The following LMNTD1 variants were observed in gnomAD, a reference collection of about 807,000 sequenced individuals.
LMNTD1 encodes lamin tail domain-containing protein 1.
LMNTD1 carries 35 observed loss-of-function variants against 50.9 expected under a neutral mutation model. The observed-to-expected ratio is 0.69, with a 90% confidence interval of 0.53 to 0.91. The LOEUF is 0.91. Among genes scored for constraint, LMNTD1 ranks in the 40% least tolerant of loss-of-function variants. The pLI, the probability that LMNTD1 is intolerant of heterozygous loss-of-function variation, is 0.00. For missense variants in LMNTD1, 470 were observed against 475.5 expected (o/e 0.99, Z 0.11); for synonymous variants, 153 against 161.9 (o/e 0.94, Z 0.42).
At chr12:25,621,746 C>T (rs1240826179) in intron 1 of LMNTD1, among the ~76,000 whole-genome samples, 1 of 152,256 alleles carries the variant, frequency 6.6e-6, no homozygotes, top group Non-Finnish European at 1.5e-5. Context: ...AATGAATAAT[C>T]AAAGTCTCTT....
At chr12:25,647,400 G>C (rs1565536767) in intron 1 of LMNTD1, among the ~76,000 whole-genome samples, 1 of 152,154 alleles carries the variant, frequency 6.6e-6, no homozygotes, top group African/African-American at 2.4e-5. Context: ...GAGGTGGGAG[G>C]ATGGCTTGAG....
chr12:25,543,620 C>T (rs1486846794), intron 4 of LMNTD1, among the ~76,000 whole-genome samples: 2 of 151,250 alleles, frequency 1.3e-5, no homozygotes, highest in East Asian at 3.9e-4. Flanking sequence ...TTTTCTTCTA[C>T]TAATTTTCAG....
intron 1 of LMNTD1, among the ~76,000 whole-genome samples, chr12:25,633,766 A>G (rs1017256364): frequency 1.5e-4 from 23 of 152,212 alleles, no homozygotes; most frequent in African/African-American, 5.5e-4. Flanking sequence ...ACCTCAAGGA[A>G]CTAGAGAAAC....
chr12:25,639,914 A>T (rs1454194249), intron 1 of LMNTD1, among the ~76,000 whole-genome samples: 2 of 152,270 alleles, frequency 1.3e-5, no homozygotes, highest in Non-Finnish European at 2.9e-5. Context: ...CCATAAATTG[A>T]TGAATGAATA....
chr12:25,520,145 C>CATATATAT (rs71065950), intron 6 of LMNTD1, 70 bp from the exon 7 acceptor site: 2,744 of 233,760 alleles, frequency 0.012, 65 homozygotes, highest in African/African-American at 0.028. Flanking sequence ...ATGAGATATA[C>CATATATAT]ATATATATAT....
chr12:25,533,114 G>GA (rs1942336222), intron 4 of LMNTD1, among the ~76,000 whole-genome samples: 1 of 152,000 alleles, frequency 6.6e-6, no homozygotes, highest in Admixed American at 6.6e-5. Context: ...TTGTCTGAAG[G>GA]AAAAAACAAC....
chr12:25,565,053 C>T (rs557201595), intron 1 of LMNTD1, among the ~76,000 whole-genome samples: 50 of 152,202 alleles, frequency 3.3e-4, no homozygotes, highest in African/African-American at 1.1e-3. Context: ...TCTGCCTGCT[C>T]TTCTCTTGGT....
chr12:25,486,297 G>T (rs989464300), intron 9 of LMNTD1, among the ~76,000 whole-genome samples: 1 of 148,824 alleles, frequency 6.7e-6, no homozygotes, highest in African/African-American at 2.5e-5. Flanking sequence ...TCATGATTTG[G>T]CTCTCTGTTT....
chr12:25,633,075 C>T (rs1219417943), intron 1 of LMNTD1, among the ~76,000 whole-genome samples: 4 of 150,360 alleles, frequency 2.7e-5, no homozygotes, highest in East Asian at 3.9e-4. Flanking sequence ...TTAAAAGAGA[C>T]AAAGAGGGAC....
intron 1 of LMNTD1, among the ~76,000 whole-genome samples, chr12:25,562,291 GT>G (rs1944363947): frequency 6.6e-6 from 1 of 152,172 alleles, no homozygotes; most frequent in Non-Finnish European, 1.5e-5. Flanking sequence ...TCCTTTCCAT[GT>G]TTAGTGCTTC....
At position 25,558,340 on chromosome 12, in the gene LMNTD1, T is replaced by C. The variant is rs138128229; in HGVS notation, c.59-11786A>G. Among the ~76,000 whole-genome samples the C allele has an allele frequency of 5.9e-3, 901 of 152,326 alleles. 8 individuals carry two copies. Among genetic ancestry groups the C allele is most frequent in the African/African-American group, 0.021 (875 of 41,578 alleles). On this transcript the variant is annotated intron_variant, in intron 1 of 7. Transcript: ENST00000445693. ...TGGGTTTGGTTTGCTCTTATTTTTC[T>C]AGTTCTTCAGATGCATCATCAGACC...
intron 9 of LMNTD1, among the ~76,000 whole-genome samples, chr12:25,501,051 G>A (rs1490478814): frequency 6.6e-6 from 1 of 152,178 alleles, no homozygotes; most frequent in Non-Finnish European, 1.5e-5. Context: ...GTGCAGTGGT[G>A]CAATCTCAGC....
chr12:25,563,317 G>A (rs1003389172), intron 1 of LMNTD1, among the ~76,000 whole-genome samples: 1 of 152,160 alleles, frequency 6.6e-6, no homozygotes, highest in African/African-American at 2.4e-5. Flanking sequence ...GTACAGACAG[G>A]GTTTTGGTGT....
intron 1 of LMNTD1, among the ~76,000 whole-genome samples, chr12:25,577,072 C>G (rs1945055972): frequency 6.6e-6 from 1 of 152,136 alleles, no homozygotes; most frequent in Non-Finnish European, 1.5e-5. Context: ...GGTACCAGTA[C>G]CATGCTGTTT....
chr12:25,571,655 T>C (rs1279364345), intron 1 of LMNTD1, among the ~76,000 whole-genome samples: 1 of 151,330 alleles, frequency 6.6e-6, no homozygotes, highest in African/African-American at 2.4e-5. Context: ...GAGCTACCAT[T>C]CCCAACCTTT....
rs753375240 is a variant in LMNTD1 at position 25,549,562 on chromosome 12, A to G, written c.90-16T>C. 2.3e-6 allele frequency: 3 copies of G among 1,319,682 alleles called. No homozygotes were observed. The South Asian group carries it at 4.5e-5, about 20-fold the overall frequency. 81.7% of individuals were successfully genotyped at this position (1,319,682 alleles called of 1,614,324 possible). A position where few individuals can be genotyped will look rare whatever the true frequency, so the allele number is the denominator to read the frequency against. On this transcript the variant is annotated splice_polypyrimidine_tract_variant and intron_variant, in intron 2 of 9. Coordinates refer to ENST00000458174, the MANE Select transcript of LMNTD1 (RefSeq NM_001145728.2). ...GTCTTCTCTTCTGTGTACAAAAAAT[A>G]TAATATAAATAAATAAATAAGAAAG... is the stretch of plus-strand genomic sequence containing the variant.
chr12:25,638,726 C>CAT (rs763022896), intron 1 of LMNTD1, among the ~76,000 whole-genome samples: 1 of 152,020 alleles, frequency 6.6e-6, no homozygotes, highest in Non-Finnish European at 1.5e-5. Context: ...GATAAGAAGA[C>CAT]ATAACATTGT....
rs371877407 is a variant in LMNTD1, at chr12:25,526,178, G to T, written c.719C>A (p.Ser240Ter). 5 of 1,611,008 alleles carry T rather than the reference G, an allele frequency of 3.1e-6. No homozygotes were observed. The highest frequency in any genetic ancestry group is 4.2e-6 in the Non-Finnish European group (5 of 1,178,296). ...AASEAKHQPP[S>*]DFLWKEQDKF... Reference sequence around the variant, plus strand: ...GTCTTGTTCCTTCCAAAGAAAATCTGATGGAGGTTGATGCTTTGCTTCAGA... The same window carrying T: ...GTCTTGTTCCTTCCAAAGAAAATCTTATGGAGGTTGATGCTTTGCTTCAGA... Residue 240 changes from serine to a stop codon, truncating the protein, a stop_gained, in exon 6 of 10, where the codon TCA (serine) becomes TAA (stop). Coordinates refer to ENST00000458174, the MANE Select transcript of LMNTD1 (RefSeq NM_001145728.2). LOFTEE classifies it high-confidence loss of function.
chr12:25,642,263 G>T (rs1946971515), intron 1 of LMNTD1, among the ~76,000 whole-genome samples: 1 of 152,202 alleles, frequency 6.6e-6, no homozygotes, highest in Non-Finnish European at 1.5e-5. Context: ...CACTGTGAGG[G>T]TATCTGAAGG....
Sources: allele counts gnomAD v4.1 joint callset (sites outside exome capture counted in the v4.1 genomes callset), GRCh38; gene constraint gnomAD v4.1.1; transcripts MANE v1.5; gene names NCBI Gene and HGNC (gene_info 2026-07-23, HGNC 2026-07-21).